The following MLLT1 variants were observed in gnomAD, a reference collection of about 807,000 sequenced individuals.
MLLT1 encodes the protein protein ENL.
MLLT1 carries 11 observed loss-of-function variants against 55.1 expected under a neutral mutation model. That is an observed-to-expected ratio of 0.20 (90% CI 0.13 to 0.33). MLLT1 has a LOEUF of 0.33. Among genes scored for constraint, MLLT1 ranks in the 10% least tolerant of loss-of-function variants. MLLT1 has a pLI of 1.00. For missense variants in MLLT1, 536 were observed against 760.6 expected (o/e 0.70, Z 3.47); for synonymous variants, 323 against 320.1 (o/e 1.01, Z -0.10).
Position 6,273,354 on chromosome 19 carries a change from G to A in MLLT1, c.13-2595C>T, listed in dbSNP as rs1199581981. The stretch of plus-strand genomic sequence containing the variant: ...GGACATTCAGGTAACCCCAAGATCC[G>A]GGCAGCAGGGACATTCACGACCCCA... On this transcript the variant is annotated intron_variant, in intron 1 of 11. Transcript: ENST00000252674. This position sits in a 1 kb window ranked among gnomAD's most constrained non-coding sequence, Gnocchi z 4.3. Among the ~76,000 whole-genome samples the A allele has an allele frequency of 3.3e-5, 5 of 152,120 alleles. No individual in the cohort carries two copies. The highest frequency in any genetic ancestry group is 1.9e-4 in the East Asian group (1 of 5,186).
chr19:6,214,062 T>A, intron 8 of MLLT1, 24 bp from the exon 9 acceptor site: 1 of 1,372,762 alleles, frequency 7.3e-7, no homozygotes, highest in Non-Finnish European at 9.5e-7. Context: ...CGGGGGCGCA[T>A]CAGGCCCCTG....
chr19:6,233,321 G>A (rs887491863), intron 3 of MLLT1, among the ~76,000 whole-genome samples: 1 of 152,232 alleles, frequency 6.6e-6, no homozygotes, highest in African/African-American at 2.4e-5. Context: ...GGAGCCTCCA[G>A]AACCACGAGT....
At position 6,211,969 on chromosome 19, in the gene MLLT1, G is replaced by A. The variant is rs1417235940; in HGVS notation, c.*1073C>T. ...CCAGCCCGGCCAACCCACCGGGCCT[G>A]CTGATGGCCGAGCCCACGCTCGAGG... On this transcript the variant is annotated 3_prime_UTR_variant, in exon 12 of 12. Coordinates refer to ENST00000252674, the MANE Select transcript of MLLT1 (RefSeq NM_005934.4). This position sits in a 1 kb window ranked among gnomAD's most constrained non-coding sequence, Gnocchi z 4.6. 7.7e-5 allele frequency: 82 copies of A among 1,065,294 alleles called. No individual in the cohort carries two copies. The highest frequency in any genetic ancestry group is 9.3e-5 in the Non-Finnish European group (82 of 879,000). The allele number at this position is 1,065,294 out of a possible 1,614,324, so 66.0% of individuals were successfully genotyped here.
intron 9 of MLLT1, 43 bp from the exon 10 acceptor site, chr19:6,213,840 T>TCC (rs748242120): frequency 1.2e-5 from 19 of 1,601,056 alleles, no homozygotes; most frequent in Non-Finnish European, 1.5e-5. Context: ...GCCCACACCC[T>TCC]CCCCAGCCCC....
In MLLT1 at chr19:6,222,021, G is replaced by T; in HGVS notation, c.1110+100C>A. ...GGGAGGAGCAGCTGGTGAGACCTGA[G>T]GTCCTGGCTCAGATCCCACCTCCTT... On this transcript the variant is annotated intron_variant, in intron 6 of 11. Coordinates refer to ENST00000252674, the MANE Select transcript of MLLT1 (RefSeq NM_005934.4). The surrounding 1 kb of genome is among the most constrained non-coding windows in gnomAD (Gnocchi z 4.1). 9.8e-7 allele frequency: 1 copy of T among 1,019,098 alleles called. No homozygotes were observed. The highest frequency in any genetic ancestry group is 1.3e-6 in the Non-Finnish European group (1 of 756,922). 63.1% of individuals were successfully genotyped at this position (1,019,098 alleles called of 1,614,324 possible).
At chr19:6,213,248 C>A in intron 11 of MLLT1, 78 bp from the exon 12 acceptor site, 1 of 1,606,318 alleles carries the variant, frequency 6.2e-7, no homozygotes, top group Non-Finnish European at 8.5e-7. Context: ...GAGGTAGGGG[C>A]TCCTGGGGCA....
intron 3 of MLLT1, among the ~76,000 whole-genome samples, chr19:6,255,897 C>T (rs946008015): frequency 2.6e-5 from 4 of 152,256 alleles, no homozygotes; most frequent in Admixed American, 2.0e-4. Flanking sequence ...GGGCCCAAGG[C>T]GAAAGGATCG....
chr19:6,212,116 G>A lies in MLLT1; in HGVS notation c.*926C>T. 1 of 1,066,506 alleles carries A rather than the reference G, an allele frequency of 9.4e-7. No individual in the cohort carries two copies. Among genetic ancestry groups the A allele is most frequent in the Non-Finnish European group, 1.1e-6 (1 of 879,734 alleles). 66.1% of individuals were successfully genotyped at this position (1,066,506 alleles called of 1,614,324 possible). On this transcript the variant is annotated 3_prime_UTR_variant, in exon 12 of 12. Transcript: ENST00000252674. ...TGAAAGAGAGGAAGAGGAGCCTATG[G>A]GAGGAGGCCGAGCCCCAGGGCGGCT... is the stretch of plus-strand genomic sequence containing the variant.
At position 6,212,350 on chromosome 19, in the gene MLLT1, T is replaced by C; in HGVS notation, c.*692A>G. 1.0e-6 allele frequency: 1 copy of C among 980,848 alleles called. No homozygotes were observed. Among genetic ancestry groups the C allele is most frequent in the Non-Finnish European group, 1.2e-6 (1 of 846,268 alleles). The allele number at this position is 980,848 out of a possible 1,614,324, so 60.8% of individuals were successfully genotyped here. A position where few individuals can be genotyped will look rare whatever the true frequency, so the allele number is the denominator to read the frequency against. On this transcript the variant is annotated 3_prime_UTR_variant, in exon 12 of 12. Coordinates refer to ENST00000252674, the MANE Select transcript of MLLT1 (RefSeq NM_005934.4). ...GAGAGGGCCAGCTGCCGTGCCTGGC[T>C]CGGCCTCCAGCCCCACACCACCGCA... is the stretch of plus-strand genomic sequence containing the variant.
chr19:6,212,764 G>A lies in MLLT1; in HGVS notation c.*278C>T. 9.9e-7 allele frequency: 1 copy of A among 1,011,658 alleles called. No individual in the cohort carries two copies. Among genetic ancestry groups the A allele is most frequent in the South Asian group, 2.5e-5 (1 of 40,140 alleles). The allele number at this position is 1,011,658 out of a possible 1,614,324, so 62.7% of individuals were successfully genotyped here. A position where few individuals can be genotyped will look rare whatever the true frequency, so the allele number is the denominator to read the frequency against. On this transcript the variant is annotated 3_prime_UTR_variant, in exon 12 of 12. Transcript: ENST00000252674. The stretch of plus-strand genomic sequence containing the variant: ...GCGAGGGGCCCCCGGCCCTGTCTCT[G>A]CCCAGAGCTGCCTTCAACACCAGCC...
intron 1 of MLLT1, among the ~76,000 whole-genome samples, chr19:6,271,510 G>A (rs911848040): frequency 6.6e-5 from 10 of 152,292 alleles, no homozygotes; most frequent in African/African-American, 1.4e-4. Context: ...AGCACATGTC[G>A]TGTCTGACAC....
chr19:6,258,816 T>C (rs1274889659), intron 3 of MLLT1, among the ~76,000 whole-genome samples: 2 of 152,234 alleles, frequency 1.3e-5, no homozygotes, highest in Non-Finnish European at 2.9e-5. Context: ...CGCAGGACCC[T>C]CAACCTCCTT....
In MLLT1 at chr19:6,230,093, C is replaced by T. The variant is rs1363627337; in HGVS notation, c.420+477G>A. ...GGGAACTCTGAGCCCCCACAGGGTCCGGAGGGCTCGACTCCAGCCACCGCA... is the reference window on the plus strand; with the variant it reads ...GGGAACTCTGAGCCCCCACAGGGTCTGGAGGGCTCGACTCCAGCCACCGCA... On this transcript the variant is annotated intron_variant, in intron 4 of 11. Transcript: ENST00000252674. The surrounding 1 kb of genome is among the most constrained non-coding windows in gnomAD (Gnocchi z 9.0). Among the ~76,000 whole-genome samples, 3 of 152,126 alleles carry T rather than the reference C, an allele frequency of 2.0e-5. No homozygotes were observed. Among genetic ancestry groups the T allele is most frequent in the East Asian group, 1.9e-4 (1 of 5,186 alleles).
Position 6,213,713 on chromosome 19 carries a change from G to A in MLLT1, c.1479+13C>T, listed in dbSNP as rs758533617. 6.7e-7 allele frequency: 1 copy of A among 1,501,386 alleles called. No individual in the cohort carries two copies. Among genetic ancestry groups the A allele is most frequent in the Admixed American group, 1.7e-5 (1 of 57,434 alleles). 93.0% of individuals were successfully genotyped at this position (1,501,386 alleles called of 1,614,324 possible). A position where few individuals can be genotyped will look rare whatever the true frequency, so the allele number is the denominator to read the frequency against. Reference sequence around the variant, plus strand: ...TCCGTAGCCTCCCCGCCTTGTCGTAGGTGCCCCCCCACCTTGTCGTAGGTG... The same window carrying A: ...TCCGTAGCCTCCCCGCCTTGTCGTAAGTGCCCCCCCACCTTGTCGTAGGTG... On this transcript the variant is annotated intron_variant, in intron 10 of 11. Coordinates refer to ENST00000252674, the MANE Select transcript of MLLT1 (RefSeq NM_005934.4).
Position 6,213,402 on chromosome 19 carries a change from T to C in MLLT1, c.1486A>G (p.Thr496Ala). Residue 496 changes from threonine (T) to alanine (A), a missense_variant, in exon 11 of 12, where the codon ACG becomes GCG. By Grantham distance (58) the Thr-to-Ala change is moderately conservative. Coordinates refer to ENST00000252674, the MANE Select transcript of MLLT1 (RefSeq NM_005934.4). ...LKKGTYDKAY[T>A]DELVELHRRL... ...CGGTGTAGCTCCACCAGCTCATCCG[T>C]GTAGGCCTGGGGAGGGGGGGCAGGT... 1.2e-6 allele frequency: 2 copies of C among 1,611,268 alleles called. No individual in the cohort carries two copies. The highest frequency in any genetic ancestry group is 1.7e-6 in the Non-Finnish European group (2 of 1,179,712).
chr19:6,212,925 G>T lies in MLLT1; in HGVS notation c.*117C>A. 7.5e-7 allele frequency: 1 copy of T among 1,333,866 alleles called. No individual in the cohort carries two copies. Among genetic ancestry groups the T allele is most frequent in the Non-Finnish European group, 1.0e-6 (1 of 973,650 alleles). 82.6% of individuals were successfully genotyped at this position (1,333,866 alleles called of 1,614,324 possible). A position where few individuals can be genotyped will look rare whatever the true frequency, so the allele number is the denominator to read the frequency against. ...AAGTGCAGCGGGCTGTGCGGGCGAGGACAGGGCTGTCGCTAAGGCAGTGCT... is the reference window on the plus strand; with the variant it reads ...AAGTGCAGCGGGCTGTGCGGGCGAGTACAGGGCTGTCGCTAAGGCAGTGCT... On this transcript the variant is annotated 3_prime_UTR_variant, in exon 12 of 12. Transcript: ENST00000252674.
chr19:6,227,343 G>A lies in MLLT1; in HGVS notation c.421-241C>T, dbSNP rs895441196. On this transcript the variant is annotated intron_variant, in intron 4 of 11. Transcript: ENST00000252674. This position sits in a 1 kb window ranked among gnomAD's most constrained non-coding sequence, Gnocchi z 5.1. ...CCCAGGATGGCTGGGACCAGGTGGG[G>A]CCACGCGGCCTTCCGGGAACAGTGG... Among the ~76,000 whole-genome samples the A allele has an allele frequency of 6.6e-6, 1 of 152,218 alleles. No individual in the cohort carries two copies.
In MLLT1 at chr19:6,262,063, C is replaced by T. The variant is rs749319727; in HGVS notation, c.276+165G>A. Among the ~76,000 whole-genome samples, 1 of 152,140 alleles carries T rather than the reference C, an allele frequency of 6.6e-6. No homozygotes were observed. The highest frequency in any genetic ancestry group is 1.5e-5 in the Non-Finnish European group (1 of 68,024). ...AAACCAGCCGTGTCCTGGCCCCCGA[C>T]GTCCCCAGGAATGGAGATGGTGACC... On this transcript the variant is annotated intron_variant, in intron 3 of 11. Coordinates refer to ENST00000252674, the MANE Select transcript of MLLT1 (RefSeq NM_005934.4). The surrounding 1 kb of genome is among the most constrained non-coding windows in gnomAD (Gnocchi z 4.4).
chr19:6,260,624 G>A (rs945422824), intron 3 of MLLT1, among the ~76,000 whole-genome samples: 10 of 152,250 alleles, frequency 6.6e-5, no homozygotes, highest in Non-Finnish European at 1.5e-5. Flanking sequence ...TAGAATGGAT[G>A]CCACCAGTCC....
Sources: gnomAD v4.1 joint callset for allele counts (sites outside exome capture counted in the v4.1 genomes callset) on GRCh38, gnomAD v4.1.1 for gene constraint, Gnocchi (gnomAD v3.1) non-coding constraint, MANE v1.5 for transcripts, NCBI Gene and HGNC (gene_info 2026-07-23, HGNC 2026-07-21) for gene names.